The following TMEM135 variants were observed in gnomAD, a reference collection of about 807,000 sequenced individuals.
TMEM135 encodes the protein peroxisomal membrane protein 52.
In TMEM135, 30 loss-of-function variants were observed where a neutral mutation model predicts 60.3. The observed-to-expected ratio is 0.50, with a 90% CI of 0.37 to 0.68. The LOEUF (loss-of-function observed/expected upper bound fraction) is 0.68, where lower values mean the gene tolerates loss of function less well. TMEM135 is among the 30% of genes least tolerant of loss of function. The probability of loss-of-function intolerance (pLI) is 0.00; values close to 1 mark genes in which losing one functional copy is unlikely to be tolerated. For missense variants in TMEM135, 468 were observed against 548.8 expected (o/e 0.85, Z 1.47); for synonymous variants, 190 against 186.7 (o/e 1.02, Z -0.14).
chr11:87,152,701 G>C (rs1450354707), intron 4 of TMEM135, among the ~76,000 whole-genome samples: 1 of 152,120 alleles, frequency 6.6e-6, no homozygotes, highest in Non-Finnish European at 1.5e-5. Context: ...GGCCTCCCAA[G>C]GTGCTGGGAT....
intron 4 of TMEM135, among the ~76,000 whole-genome samples, chr11:87,114,440 C>T (rs1272669655): frequency 6.6e-6 from 1 of 152,046 alleles, no homozygotes; most frequent in Non-Finnish European, 1.5e-5. Flanking sequence ...CAATTACAAG[C>T]TCCGTAAAAA....
chr11:87,172,854 C>T (rs751010575), intron 5 of TMEM135, among the ~76,000 whole-genome samples: 2 of 151,402 alleles, frequency 1.3e-5, no homozygotes, highest in Non-Finnish European at 2.9e-5. Flanking sequence ...GAAGAATATT[C>T]GTGAATTAAA....
At chr11:87,126,979 A>G (rs904195161) in intron 4 of TMEM135, among the ~76,000 whole-genome samples, 11 of 152,238 alleles carry the variant, frequency 7.2e-5, no homozygotes, top group African/African-American at 2.2e-4. Flanking sequence ...TCAAGAATAC[A>G]TATATAAGTG....
chr11:87,137,144 T>C (rs1269911493), intron 4 of TMEM135, among the ~76,000 whole-genome samples: 2 of 152,128 alleles, frequency 1.3e-5, no homozygotes, highest in Admixed American at 1.3e-4. Flanking sequence ...TTTTGATTCA[T>C]GTATTTTAAA....
At chr11:87,221,213 A>C (rs1283719949) in intron 5 of TMEM135, among the ~76,000 whole-genome samples, 2 of 152,184 alleles carry the variant, frequency 1.3e-5, no homozygotes, top group Non-Finnish European at 2.9e-5. Flanking sequence ...AAAATACCAT[A>C]TGAGGATTGC....
chr11:87,322,614 G>T lies in TMEM135; in HGVS notation c.*1281G>T. 2.2e-6 allele frequency: 1 copy of T among 453,896 alleles called. No individual in the cohort carries two copies. Among genetic ancestry groups the T allele is most frequent in the Non-Finnish European group, 4.4e-6 (1 of 226,678 alleles). 28.1% of individuals were successfully genotyped at this position (453,896 alleles called of 1,614,324 possible). ...TGATATTTTTAAAATACATTTTGTT[G>T]CTAAAAAGTTTTTAGGCCAGTGCAA... is the stretch of plus-strand genomic sequence containing the variant. On this transcript the variant is annotated 3_prime_UTR_variant, in exon 15 of 15. Coordinates refer to ENST00000305494, the MANE Select transcript of TMEM135 (RefSeq NM_022918.4).
At chr11:87,075,196 T>C (rs1375938272) in intron 3 of TMEM135, among the ~76,000 whole-genome samples, 4 of 152,054 alleles carry the variant, frequency 2.6e-5, no homozygotes, top group African/African-American at 9.7e-5. Flanking sequence ...TCTCGCTCTG[T>C]CTCCCAGGCT....
chr11:87,293,385 TTTC>T (rs1224539096), intron 6 of TMEM135, among the ~76,000 whole-genome samples: 1 of 120,618 alleles, frequency 8.3e-6, no homozygotes, highest in African/African-American at 3.1e-5. Context: ...AGTGTTTTTT[TTTC>T]TTCTTAAAAA....
chr11:87,120,217 A>G (rs79851672), intron 4 of TMEM135, among the ~76,000 whole-genome samples: 23,657 of 148,878 alleles, frequency 0.16, 2,040 homozygotes, highest in African/African-American at 0.21. Flanking sequence ...GGCTCAAGCC[A>G]TCCTCCTGAG....
chr11:87,312,582 A>G (rs1383912856), intron 10 of TMEM135, among the ~76,000 whole-genome samples: 6 of 151,958 alleles, frequency 3.9e-5, no homozygotes, highest in Non-Finnish European at 8.8e-5. Context: ...CTGCTGTTAC[A>G]GTCTGAAAGC....
intron 11 of TMEM135, 137 bp downstream of exon 11, chr11:87,313,625 TC>T: frequency 1.3e-6 from 1 of 775,770 alleles, no homozygotes; most frequent in Non-Finnish European, 2.2e-6. Context: ...GAGGCACTTG[TC>T]CAAATACTTT....
chr11:87,259,637 A>G (rs998995637), intron 6 of TMEM135, among the ~76,000 whole-genome samples: 10 of 152,214 alleles, frequency 6.6e-5, no homozygotes, highest in African/African-American at 2.4e-4. Context: ...TGGGAGAGAA[A>G]GTACACCATC....
chr11:87,303,224 A>G (rs1473400019), intron 8 of TMEM135, among the ~76,000 whole-genome samples: 1 of 152,130 alleles, frequency 6.6e-6, no homozygotes, highest in African/African-American at 2.4e-5. Context: ...GTGGCATTAG[A>G]TTCTCATAGG....
In TMEM135 at chr11:87,328,121, C is replaced by G; in HGVS notation, c.*6788C>G. 2.2e-6 allele frequency: 1 copy of G among 454,046 alleles called. No homozygotes were observed. The highest frequency in any genetic ancestry group is 4.4e-6 in the Non-Finnish European group (1 of 226,782). The allele number at this position is 454,046 out of a possible 1,614,324, so 28.1% of individuals were successfully genotyped here. A position where few individuals can be genotyped will look rare whatever the true frequency, so the allele number is the denominator to read the frequency against. On this transcript the variant is annotated 3_prime_UTR_variant, in exon 15 of 15. Coordinates refer to ENST00000305494, the MANE Select transcript of TMEM135 (RefSeq NM_022918.4). ...TCACAGGCTTTATGGCTCTATTACC[C>G]AAGAATTCTGTTACTTTCAGCTGAA...
chr11:87,081,926 G>T (rs1005292888), intron 3 of TMEM135, among the ~76,000 whole-genome samples: 2 of 151,954 alleles, frequency 1.3e-5, no homozygotes, highest in African/African-American at 4.8e-5. Flanking sequence ...TCCTTCCCTT[G>T]ATCTCATTGT....
chr11:87,206,278 C>G (rs1424911665), intron 5 of TMEM135, among the ~76,000 whole-genome samples: 1 of 152,040 alleles, frequency 6.6e-6, no homozygotes, highest in Non-Finnish European at 1.5e-5. Flanking sequence ...AGTAGTAATA[C>G]ATGTATATAT....
At chr11:87,117,361 CT>C (rs1176388295) in intron 4 of TMEM135, among the ~76,000 whole-genome samples, 3 of 152,166 alleles carry the variant, frequency 2.0e-5, no homozygotes, top group Non-Finnish European at 4.4e-5. Context: ...AAAGATCTCT[CT>C]GAAGCATGCA....
At chr11:87,184,052 A>T (rs1304805360) in intron 5 of TMEM135, among the ~76,000 whole-genome samples, 1 of 151,836 alleles carries the variant, frequency 6.6e-6, no homozygotes, top group African/African-American at 2.4e-5. Flanking sequence ...ACTTAGAAAA[A>T]TTTTGCAATA....
intron 4 of TMEM135, among the ~76,000 whole-genome samples, chr11:87,156,316 T>G (rs895133989): frequency 1.3e-5 from 2 of 152,208 alleles, no homozygotes; most frequent in East Asian, 3.8e-4. Flanking sequence ...TTCTTCTTCT[T>G]TTTTCAAGTT....
Sources: gnomAD v4.1 joint callset for allele counts (sites outside exome capture counted in the v4.1 genomes callset) on GRCh38, gnomAD v4.1.1 for gene constraint, MANE v1.5 for transcripts, NCBI Gene and HGNC (gene_info 2026-07-23, HGNC 2026-07-21) for gene names.